VWA3B: variants seen among roughly 807,000 people sequenced by gnomAD.
The protein encoded by VWA3B is von Willebrand factor A domain containing 3B, also known as von Willebrand factor A domain-containing protein 3B.
VWA3B carries 138 observed loss-of-function variants against 158.3 expected under a neutral mutation model. The observed-to-expected ratio is 0.87, with a 90% confidence interval of 0.76 to 1.00. The LOEUF (loss-of-function observed/expected upper bound fraction) is 1.00. Among genes scored for constraint, VWA3B ranks in the 50% least tolerant of loss-of-function variants. The pLI is 0.00. For synonymous variants in VWA3B, 596 were observed against 587.3 expected (o/e 1.01, Z -0.21); for missense variants, 1,555 against 1,565.1 (o/e 0.99, Z 0.11).
chr2:98,128,227 A>G lies in VWA3B; in HGVS notation c.703-12A>G. ...GTGAGGGAGATAAACCGTTGGCACCACTGTTTTGCAGATTGAATCCATTTA... is the reference window on the plus strand; with the variant it reads ...GTGAGGGAGATAAACCGTTGGCACCGCTGTTTTGCAGATTGAATCCATTTA... On this transcript the variant is annotated splice_polypyrimidine_tract_variant and intron_variant, in intron 5 of 27. Transcript: ENST00000477737. The G allele has an allele frequency of 6.2e-7, 1 of 1,613,224 alleles. No individual in the cohort carries two copies. Among genetic ancestry groups the G allele is most frequent in the Non-Finnish European group, 8.5e-7 (1 of 1,179,232 alleles).
Position 98,119,699 on chromosome 2 carries a change from C to G in VWA3B, c.478C>G (p.Arg160Gly), listed in dbSNP as rs918391411. 6.2e-7 allele frequency: 1 copy of G among 1,613,872 alleles called. No homozygotes were observed. The highest frequency in any genetic ancestry group is 1.7e-5 in the Admixed American group (1 of 59,986). Residue 160 changes from arginine to glycine, a missense_variant, in exon 4 of 28, where the codon CGA becomes GGA. By Grantham distance (125) the Arg-to-Gly change is moderately radical. Coordinates refer to ENST00000477737, the MANE Select transcript of VWA3B (RefSeq NM_144992.5). ...GILEGELDLC[R>G]EALTMVLQEQ... is the part of the protein sequence containing the mutation. ...TCTGGAGGGGGAGCTTGATCTGTGC[C>G]GAGAGGCTCTAACAATGGTTCTCCA...
intron 16 of VWA3B, among the ~76,000 whole-genome samples, chr2:98,231,088 G>A (rs113061838): frequency 2.6e-5 from 4 of 152,304 alleles, no homozygotes; most frequent in African/African-American, 9.6e-5. Context: ...AGTATGTGCA[G>A]AATCTGTTTG....
intron 2 of VWA3B, among the ~76,000 whole-genome samples, chr2:98,106,543 TA>T (rs1362030504): frequency 6.6e-6 from 1 of 152,236 alleles, no homozygotes; most frequent in African/African-American, 2.4e-5. Flanking sequence ...TCCATTTATT[TA>T]CATATTATTT....
Position 98,228,256 on chromosome 2 carries a change from G to C in VWA3B, c.2074G>C (p.Glu692Gln), listed in dbSNP as rs776265841. ...AATGGAACAGGGTCACAGTGATCTG[G>C]AGAAGATGCAAGACCTTTATTCTGA... ...KEMEQGHSDL[E>Q]KMQDLYSESL... Residue 692 changes from glutamate (E) to glutamine (Q), a missense_variant, in exon 15 of 28, where the codon GAG becomes CAG. Coordinates refer to ENST00000477737, the MANE Select transcript of VWA3B (RefSeq NM_144992.5). 8 of 1,614,112 alleles carry C rather than the reference G, an allele frequency of 5.0e-6. No individual in the cohort carries two copies. The Admixed American group carries it at 6.7e-5, about 13-fold the overall frequency.
rs766053985 is a variant in VWA3B at position 98,168,364 on chromosome 2, A to AATACACAC, written c.1114+5390_1114+5397dup. The stretch of plus-strand genomic sequence containing the variant: ...GTATCAGTTCCCTTTGTTTCAATCT[A>AATACACAC]ATACACACACATACACACACACACA... On this transcript the variant is annotated intron_variant, in intron 8 of 27. Transcript: ENST00000477737. 7.4e-3 allele frequency among the ~76,000 whole-genome samples: 875 copies of AATACACAC among 117,596 alleles called. 9 individuals are homozygous for AATACACAC. The highest frequency in any genetic ancestry group is 0.024 in the South Asian group (68 of 2,828). 77.1% of individuals were successfully genotyped at this position (117,596 alleles called of 152,430 possible). A position where few individuals can be genotyped will look rare whatever the true frequency, so the allele number is the denominator to read the frequency against.
intron 3 of VWA3B, among the ~76,000 whole-genome samples, chr2:98,116,343 C>G (rs759294418): frequency 1.3e-5 from 2 of 152,042 alleles, no homozygotes; most frequent in Non-Finnish European, 2.9e-5. Context: ...ATTTAAGTTA[C>G]TTTTATTGGT....
rs1329285492 is a variant in VWA3B at position 98,212,205 on chromosome 2, A to G, written c.1836+177A>G. On this transcript the variant is annotated intron_variant, in intron 13 of 27. Coordinates refer to ENST00000477737, the MANE Select transcript of VWA3B (RefSeq NM_144992.5). The stretch of plus-strand genomic sequence containing the variant: ...CACTGAAAGATTCTTTTGTCTCTGG[A>G]AACTCTGAGGAGAATTTATGAGACA... 3 of 546,270 alleles carry G rather than the reference A, an allele frequency of 5.5e-6. No homozygotes were observed. The African/African-American group carries it at 5.6e-5, about 10-fold the overall frequency. 33.8% of individuals were successfully genotyped at this position (546,270 alleles called of 1,614,324 possible).
At chr2:98,216,938 A>G in intron 13 of VWA3B, 1 of 1,302,204 alleles carries the variant, frequency 7.7e-7, no homozygotes, top group South Asian at 1.2e-5. Context: ...ATACAGCTGA[A>G]GACAGCATGA....
At chr2:98,327,146 A>G in the VWA3B span, among the ~76,000 whole-genome samples, 2 of 152,004 alleles carry the variant, frequency 1.3e-5, no homozygotes, top group Non-Finnish European at 2.9e-5. Context: ...ATACAAAACT[A>G]GCCAGGCATG....
At chr2:98,281,735 C>T (rs892849483) in intron 22 of VWA3B, among the ~76,000 whole-genome samples, 5 of 152,102 alleles carry the variant, frequency 3.3e-5, no homozygotes, top group Non-Finnish European at 7.3e-5. Context: ...GTCCATATCA[C>T]CGAGATTGAA....
chr2:98,240,208 C>T (rs1446160104), intron 19 of VWA3B, among the ~76,000 whole-genome samples: 1 of 152,106 alleles, frequency 6.6e-6, no homozygotes, highest in African/African-American at 2.4e-5. Flanking sequence ...TACAGAGACA[C>T]ATAAGAACTT....
At chr2:98,242,339 A>G (rs1482545702) in intron 19 of VWA3B, 2 of 455,772 alleles carry the variant, frequency 4.4e-6, no homozygotes, top group Non-Finnish European at 8.8e-6. Flanking sequence ...CTTCATTACA[A>G]GATGCAAAAT....
chr2:98,140,257 C>T (rs1254415577), intron 7 of VWA3B, among the ~76,000 whole-genome samples: 2 of 152,340 alleles, frequency 1.3e-5, no homozygotes, highest in East Asian at 3.9e-4. Flanking sequence ...AACCGCATGC[C>T]TTAGAGATTC....
Position 98,159,553 on chromosome 2 carries a change from A to G in VWA3B, c.989-3298A>G, listed in dbSNP as rs191317533. ...TGTGAGCCACTGCGCCCGGCCTTCA[A>G]ATTGTTACCAGGTGTCTGGGAGGGC... On this transcript the variant is annotated intron_variant, in intron 7 of 27. Coordinates refer to ENST00000477737, the MANE Select transcript of VWA3B (RefSeq NM_144992.5). Among the ~76,000 whole-genome samples, 39 of 152,070 alleles carry G rather than the reference A, an allele frequency of 2.6e-4. No individual in the cohort carries two copies. In the East Asian group the frequency reaches 7.2e-3, roughly 28 times the overall value.
chr2:98,324,168 CTT>C, the VWA3B span, among the ~76,000 whole-genome samples: 2 of 144,662 alleles, frequency 1.4e-5, no homozygotes, highest in African/African-American at 2.5e-5. Context: ...GTCTCTGACA[CTT>C]TTTTTTTTTT....
chr2:98,129,816 C>T (rs1016254398), intron 6 of VWA3B, among the ~76,000 whole-genome samples: 2 of 152,088 alleles, frequency 1.3e-5, no homozygotes, highest in Non-Finnish European at 2.9e-5. Context: ...ATGGGTACAA[C>T]GTCTTCCCAG....
At chr2:98,174,944 G>A (rs977325162) in intron 8 of VWA3B, among the ~76,000 whole-genome samples, 1 of 152,220 alleles carries the variant, frequency 6.6e-6, no homozygotes, top group African/African-American at 2.4e-5. Flanking sequence ...AGTTAACTGA[G>A]CAGAGACTCC....
chr2:98,249,603 T>G (rs1686665377), intron 19 of VWA3B, among the ~76,000 whole-genome samples: 1 of 152,112 alleles, frequency 6.6e-6, no homozygotes, highest in African/African-American at 2.4e-5. Context: ...CCAATACATT[T>G]ACCATCTTTT....
chr2:98,205,286 T>A (rs7601503), intron 12 of VWA3B, among the ~76,000 whole-genome samples: 121,572 of 152,108 alleles, frequency 0.8, 48,911 homozygotes, highest in South Asian at 0.89. Context: ...AAAGTGTTCA[T>A]TTTTTTCTAA....
Sources: gnomAD v4.1 joint callset for allele counts (sites outside exome capture counted in the v4.1 genomes callset) on GRCh38, gnomAD v4.1.1 for gene constraint, MANE v1.5 for transcripts, NCBI Gene and HGNC (gene_info 2026-07-23, HGNC 2026-07-21) for gene names.